Variants in EPHA5 observed in about 807,000 individuals in gnomAD.
EPHA5 encodes ephrin type-A receptor 5.
EPHA5 carries 60 observed loss-of-function variants against 105.0 expected under a neutral mutation model. The observed-to-expected ratio is 0.57, with a 90% CI of 0.46 to 0.71. The LOEUF is 0.71. Among genes scored for constraint, EPHA5 ranks in the 30% least tolerant of loss-of-function variants. The pLI is 0.00. For missense variants in EPHA5, 1,218 were observed against 1,274.7 expected (o/e 0.96, Z 0.68); for synonymous variants, 513 against 449.1 (o/e 1.14, Z -1.80).
chr4:65,558,484 G>A (rs189820579), intron 3 of EPHA5, among the ~76,000 whole-genome samples: 99 of 152,206 alleles, frequency 6.5e-4, no homozygotes, highest in Admixed American at 3.5e-3. Flanking sequence ...ATGTGTATGT[G>A]TGTATAGTAG....
intron 3 of EPHA5, among the ~76,000 whole-genome samples, chr4:65,533,165 C>T (rs972567627): frequency 2.0e-5 from 3 of 152,046 alleles, no homozygotes; most frequent in African/African-American, 7.2e-5. Context: ...TTCTGTAAAC[C>T]TAACTAAGAT....
chr4:65,537,678 T>C (rs1238010385), intron 3 of EPHA5, among the ~76,000 whole-genome samples: 1 of 151,750 alleles, frequency 6.6e-6, no homozygotes, highest in African/African-American at 2.4e-5. Flanking sequence ...ATTTTTCTTA[T>C]ATAGAAGGAT....
At chr4:65,574,727 TATACATATATATATAC>T (rs1373398008) in intron 3 of EPHA5, among the ~76,000 whole-genome samples, 14 of 98,332 alleles carry the variant, frequency 1.4e-4, no homozygotes, top group African/African-American at 5.1e-4. Flanking sequence ...TATACATATA[TATACATATATATATAC>T]ATATATATAT....
intron 5 of EPHA5, among the ~76,000 whole-genome samples, chr4:65,463,196 G>T (rs1728287497): frequency 2.6e-5 from 4 of 152,018 alleles, no homozygotes; most frequent in African/African-American, 9.7e-5. Flanking sequence ...ATGCAAGTTT[G>T]TTCATTTCAT....
intron 3 of EPHA5, among the ~76,000 whole-genome samples, chr4:65,585,485 C>G (rs1371947903): frequency 6.6e-6 from 1 of 151,472 alleles, no homozygotes; most frequent in Non-Finnish European, 1.5e-5. Flanking sequence ...TTTTAATTGA[C>G]CTTAAGAGCT....
intron 2 of EPHA5, among the ~76,000 whole-genome samples, chr4:65,621,244 T>C (rs906488661): frequency 4.6e-5 from 7 of 152,164 alleles, no homozygotes; most frequent in Non-Finnish European, 1.0e-4. Flanking sequence ...CCTCATTCTT[T>C]ACATATGCCT....
Position 65,332,582 on chromosome 4 carries a change from G to A in EPHA5, c.2790-454C>T, listed in dbSNP as rs1043373295. ...TACAGGTTCATCAACGGTAATAAATGTGTCATTCTGGCGGTTGATGCTGGT... is the reference window on the plus strand; with the variant it reads ...TACAGGTTCATCAACGGTAATAAATATGTCATTCTGGCGGTTGATGCTGGT... On this transcript the variant is annotated intron_variant, in intron 15 of 16. Coordinates refer to ENST00000613740, the MANE Select transcript of EPHA5 (RefSeq NM_001281766.3). Among the ~76,000 whole-genome samples the A allele has an allele frequency of 3.4e-5, 5 of 147,746 alleles. No individual in the cohort carries two copies. In the South Asian group the frequency reaches 8.8e-4, roughly 26 times the overall value.
chr4:65,628,986 C>A (rs1746394800), intron 2 of EPHA5, among the ~76,000 whole-genome samples: 1 of 152,144 alleles, frequency 6.6e-6, no homozygotes, highest in South Asian at 2.1e-4. Flanking sequence ...ATATGCACAC[C>A]ATTTCCATTA....
rs776677437 is a variant in EPHA5 at position 65,342,810 on chromosome 4, C to T, written c.2595+5244G>A. Among the ~76,000 whole-genome samples, 6 of 151,660 alleles carry T rather than the reference C, an allele frequency of 4.0e-5. No homozygotes were observed. The South Asian group carries it at 8.3e-4, about 21-fold the overall frequency. ...TATATCTGGCACATCAGAAATGAAA[C>T]AAGGAATAGAAGGAGGAAGAGAGGC... On this transcript the variant is annotated intron_variant, in intron 14 of 16. Transcript: ENST00000613740.
chr4:65,549,204 C>A (rs1737659434), intron 3 of EPHA5, among the ~76,000 whole-genome samples: 1 of 151,934 alleles, frequency 6.6e-6, no homozygotes, highest in East Asian at 1.9e-4. Context: ...ATGTCTATGG[C>A]CAGAAGATAA....
At chr4:65,339,807 G>A (rs1384723738) in intron 14 of EPHA5, among the ~76,000 whole-genome samples, 1 of 152,030 alleles carries the variant, frequency 6.6e-6, no homozygotes, top group East Asian at 1.9e-4. Context: ...CACTCACTTG[G>A]ACTGGGACCA....
intron 5 of EPHA5, among the ~76,000 whole-genome samples, chr4:65,445,809 C>A (rs1340938138): frequency 6.6e-6 from 1 of 152,226 alleles, no homozygotes; most frequent in Admixed American, 6.5e-5. Flanking sequence ...ATGGATAAAA[C>A]CTCAGGAGCA....
At chr4:65,522,486 A>G (rs1197643463) in intron 3 of EPHA5, among the ~76,000 whole-genome samples, 1 of 151,852 alleles carries the variant, frequency 6.6e-6, no homozygotes. Flanking sequence ...AGTCGGCCAC[A>G]CACAATTAGT....
chr4:65,457,906 C>T (rs555574515), intron 5 of EPHA5, among the ~76,000 whole-genome samples: 97 of 151,736 alleles, frequency 6.4e-4, no homozygotes, highest in Non-Finnish European at 1.2e-3. Context: ...AACCCCGTCT[C>T]CACTAAAAAT....
chr4:65,330,636 T>C (rs1720521003), intron 16 of EPHA5: 2 of 579,198 alleles, frequency 3.5e-6, no homozygotes, highest in South Asian at 8.1e-5. Flanking sequence ...ATCATTTTAA[T>C]ATAAAATGAC....
At chr4:65,593,022 A>G (rs907324181) in intron 3 of EPHA5, among the ~76,000 whole-genome samples, 3 of 152,158 alleles carry the variant, frequency 2.0e-5, no homozygotes, top group Middle Eastern at 3.2e-3. Context: ...TAATTTATAC[A>G]TTGAACTCAT....
chr4:65,474,415 A>C (rs1489698710), intron 5 of EPHA5, among the ~76,000 whole-genome samples: 1 of 152,166 alleles, frequency 6.6e-6, no homozygotes, highest in Non-Finnish European at 1.5e-5. Flanking sequence ...TTATATTTAT[A>C]TTTTGTTCAT....
chr4:65,386,044 A>G (rs962978134), intron 8 of EPHA5, among the ~76,000 whole-genome samples: 5 of 151,888 alleles, frequency 3.3e-5, no homozygotes, highest in African/African-American at 7.2e-5. Context: ...GAAAATATCA[A>G]TTTAAATCCC....
At chr4:65,410,896 A>C (rs2149008590) in intron 7 of EPHA5, among the ~76,000 whole-genome samples, 1 of 152,292 alleles carries the variant, frequency 6.6e-6, no homozygotes, top group Admixed American at 6.5e-5. Context: ...GTGATTGATA[A>C]ATCTTGGGCA....
Sources: allele counts gnomAD v4.1 joint callset (sites outside exome capture counted in the v4.1 genomes callset), GRCh38; gene constraint gnomAD v4.1.1; transcripts MANE v1.5; gene names NCBI Gene and HGNC (gene_info 2026-07-23, HGNC 2026-07-21).